The following USP20 variants were observed in gnomAD, a reference collection of about 807,000 sequenced individuals.
USP20 encodes the protein ubiquitin carboxyl-terminal hydrolase 20.
Under a neutral mutation model 124.2 loss-of-function variants are expected in USP20, and 80 were observed. The observed-to-expected ratio is 0.64, with a 90% CI of 0.54 to 0.78. The LOEUF is 0.78. Among genes scored for constraint, USP20 ranks in the 30% least tolerant of loss-of-function variants. The pLI, the probability that USP20 is intolerant of heterozygous loss-of-function variation, is 0.00. For missense variants in USP20, 1,043 were observed against 1,244.4 expected, an observed-to-expected ratio of 0.84 and a Z score of 2.44; for synonymous variants, 481 against 512.3, an observed-to-expected ratio of 0.94 and a Z score of 0.83.
chr9:129,846,342 T>C (rs544527819), intron 1 of USP20, among the ~76,000 whole-genome samples: 1 of 134,910 alleles, frequency 7.4e-6, no homozygotes, highest in East Asian at 2.5e-4. Context: ...TGCAGCCTCA[T>C]ACTTCTGGGC....
Position 129,861,609 on chromosome 9 carries a change from A to G in USP20, c.494A>G (p.Asn165Ser), listed in dbSNP as rs781656438. Residue 165 changes from asparagine to serine, a missense_variant, in exon 8 of 26, where the codon AAT becomes AGT. Transcript: ENST00000372429. Reference sequence around the variant, plus strand: ...AACGCTGCCCTGCAGGCCCTGTCCAATTGGTAGGTCGACACTTTGTCCGAG... The same window carrying G: ...AACGCTGCCCTGCAGGCCCTGTCCAGTTGGTAGGTCGACACTTTGTCCGAG... Reference protein sequence around the residue: ...YMNAALQALSNCPPLTQFFLE... With the variant: ...YMNAALQALSSCPPLTQFFLE... The G allele has an allele frequency of 5.6e-6, 9 of 1,614,068 alleles. No individual in the cohort carries two copies. The highest frequency in any genetic ancestry group is 1.1e-5 in the South Asian group (1 of 91,080).
intron 4 of USP20, among the ~76,000 whole-genome samples, chr9:129,857,576 T>G (rs1257164751): frequency 1.4e-4 from 22 of 152,222 alleles, no homozygotes; most frequent in Non-Finnish European, 2.9e-5. Context: ...TCTGGGGCAC[T>G]GGGTCAGTAC....
chr9:129,837,914 G>C (rs1456693152), intron 1 of USP20, among the ~76,000 whole-genome samples: 1 of 152,090 alleles, frequency 6.6e-6, no homozygotes, highest in Non-Finnish European at 1.5e-5. Flanking sequence ...TCCTGATTGT[G>C]GGGTATTTAA....
At position 129,843,449 on chromosome 9, in the gene USP20, A is replaced by G. The variant is rs917572399; in HGVS notation, c.-128-6364A>G. Among the ~76,000 whole-genome samples the G allele has an allele frequency of 2.6e-5, 4 of 150,976 alleles. No individual in the cohort carries two copies. In the East Asian group the frequency reaches 7.9e-4, roughly 30 times the overall value. On this transcript the variant is annotated intron_variant, in intron 1 of 25. Coordinates refer to ENST00000372429, the MANE Select transcript of USP20 (RefSeq NM_001110303.4). ...TGTCTCAACCACGACAACAACAAAA[A>G]GACAGTCTGGTCGCAGTGACTCACG...
Position 129,858,127 on chromosome 9 carries a change from TGA to T in USP20, c.198+19_198+20del, listed in dbSNP as rs757291678. ...TTCATGCACAGGTGAGTGTGGTGGC[TGA>T]GAGTATGGGCCCTGCAGTTAGATGG... On this transcript the variant is annotated intron_variant, in intron 5 of 25. Transcript: ENST00000372429. The T allele has an allele frequency of 4.0e-5, 64 of 1,613,128 alleles. No individual in the cohort carries two copies. The Admixed American group carries it at 1.1e-3, about 27-fold the overall frequency.
intron 9 of USP20, among the ~76,000 whole-genome samples, chr9:129,863,789 T>C (rs913954383): frequency 6.6e-6 from 1 of 152,244 alleles, no homozygotes; most frequent in African/African-American, 2.4e-5. Flanking sequence ...CATAGAAATA[T>C]GTATTATGTG....
chr9:129,869,022 G>T lies in USP20; in HGVS notation c.1276+20G>T. 3 of 1,589,630 alleles carry T rather than the reference G, an allele frequency of 1.9e-6. No individual in the cohort carries two copies. The highest frequency in any genetic ancestry group is 4.5e-5 in the East Asian group (2 of 44,392). On this transcript the variant is annotated intron_variant, in intron 12 of 25. Transcript: ENST00000372429. ...AGAAAGGTTCGGGGGGCACGGGAGG[G>T]TGGGTCAGCTTGAGGCTGGGAGTAC...
At chr9:129,863,373 C>A in intron 9 of USP20, 74 bp downstream of exon 9, 1 of 1,208,958 alleles carries the variant, frequency 8.3e-7, no homozygotes, top group Non-Finnish European at 1.2e-6. Flanking sequence ...TGATTGAGTA[C>A]TTCCTGTGGA....
At chr9:129,869,074 A>C in intron 12 of USP20, 72 bp downstream of exon 12, 177 of 1,505,912 alleles carry the variant, frequency 1.2e-4, no homozygotes, top group Non-Finnish European at 1.5e-4. Context: ...TGCCTTTCTC[A>C]TGGCCCCCTG....
intron 1 of USP20, among the ~76,000 whole-genome samples, chr9:129,838,971 GAAAAA>G (rs2032035497): frequency 6.6e-6 from 1 of 152,206 alleles, no homozygotes; most frequent in Non-Finnish European, 1.5e-5. Flanking sequence ...AAGCTGAGCA[GAAAAA>G]TGCTCTGAAG....
chr9:129,864,453 G>C (rs1277952305), intron 9 of USP20, among the ~76,000 whole-genome samples: 3 of 135,540 alleles, frequency 2.2e-5, no homozygotes, highest in African/African-American at 5.8e-5. Context: ...CTGGGCGACA[G>C]AGTGAGACCC....
At chr9:129,856,415 C>T in intron 4 of USP20, 55 bp downstream of exon 4, 1 of 1,585,638 alleles carries the variant, frequency 6.3e-7, no homozygotes, top group Non-Finnish European at 8.7e-7. Flanking sequence ...CTGTTATCAG[C>T]ACTGCACAGG....
intron 1 of USP20, among the ~76,000 whole-genome samples, chr9:129,841,583 TG>T (rs1412165417): frequency 2.6e-5 from 4 of 152,340 alleles, no homozygotes; most frequent in Non-Finnish European, 4.4e-5. Flanking sequence ...AGCTTTGTTA[TG>T]TCTCCTCAGT....
Position 129,852,402 on chromosome 9 carries a change from A to G in USP20, c.-16-138A>G, listed in dbSNP as rs117450664. On this transcript the variant is annotated intron_variant, in intron 2 of 25. Transcript: ENST00000372429. The stretch of plus-strand genomic sequence containing the variant: ...AAGGAAAGTGATGCTCAGAGAGGTT[A>G]AGCAACTTCCCTGCGTTACCAGCTG... 240 of 680,134 alleles carry G rather than the reference A, an allele frequency of 3.5e-4. 1 individual carries two copies. The highest frequency in any genetic ancestry group is 3.4e-4 in the Non-Finnish European group (134 of 395,080). The allele number at this position is 680,134 out of a possible 1,614,324, so 42.1% of individuals were successfully genotyped here.
At position 129,870,438 on chromosome 9, in the gene USP20, CT is replaced by C; in HGVS notation, c.1566-11del. 2 of 1,613,558 alleles carry C rather than the reference CT, an allele frequency of 1.2e-6. No individual in the cohort carries two copies. The highest frequency in any genetic ancestry group is 1.7e-6 in the Non-Finnish European group (2 of 1,179,646). On this transcript the variant is annotated splice_polypyrimidine_tract_variant and intron_variant, in intron 14 of 25. Coordinates refer to ENST00000372429, the MANE Select transcript of USP20 (RefSeq NM_001110303.4). ...AGGCCCTGGCAGCACCCCTGCACTC[CT>C]TTTCTGTCTGTAGGTTTGTGGTATC...
At chr9:129,838,933 A>G (rs377678507) in intron 1 of USP20, among the ~76,000 whole-genome samples, 62 of 152,336 alleles carry the variant, frequency 4.1e-4, no homozygotes, top group East Asian at 9.6e-4. Flanking sequence ...GCAGGGAGAT[A>G]CTGTCATATC....
chr9:129,842,856 G>A (rs1194707521), intron 1 of USP20, among the ~76,000 whole-genome samples: 1 of 152,058 alleles, frequency 6.6e-6, no homozygotes, highest in Admixed American at 6.6e-5. Flanking sequence ...GCCTCCCAAA[G>A]TGCTGGGATT....
chr9:129,855,567 C>G (rs2033169997), intron 3 of USP20, among the ~76,000 whole-genome samples: 1 of 152,200 alleles, frequency 6.6e-6, no homozygotes, highest in African/African-American at 2.4e-5. Context: ...CTCCTGCCAT[C>G]ACATCCACAT....
chr9:129,854,190 T>G (rs531952987), intron 3 of USP20, among the ~76,000 whole-genome samples: 1 of 152,350 alleles, frequency 6.6e-6, no homozygotes, highest in South Asian at 2.1e-4. Context: ...AATGGGCCAC[T>G]CACGTTGTGG....
Sources: gnomAD v4.1 joint callset for allele counts (sites outside exome capture counted in the v4.1 genomes callset) on GRCh38, gnomAD v4.1.1 for gene constraint, MANE v1.5 for transcripts, NCBI Gene and HGNC (gene_info 2026-07-23, HGNC 2026-07-21) for gene names.